Variants in BNC2 observed in about 807,000 individuals in gnomAD.
BNC2 encodes the protein zinc finger protein basonuclin-2.
A neutral mutation model predicts 76.3 loss-of-function variants in BNC2; 20 were observed. That is an observed-to-expected ratio of 0.26 (90% CI 0.18 to 0.38). BNC2 has a LOEUF of 0.38. BNC2 is among the 10% of genes least tolerant of loss of function. The pLI is 1.00. For synonymous variants in BNC2, 582 were observed against 514.8 expected (o/e 1.13, Z -1.77); for missense variants, 1,382 against 1,399.8 (o/e 0.99, Z 0.20).
At chr9:16,457,513 AGAG>A (rs1821479419) in intron 5 of BNC2, among the ~76,000 whole-genome samples, 1 of 152,290 alleles carries the variant, frequency 6.6e-6, no homozygotes, top group African/African-American at 2.4e-5. Flanking sequence ...TGGTGCTCCC[AGAG>A]GAGTCACATA....
chr9:16,689,488 C>G (rs922781113), intron 3 of BNC2, among the ~76,000 whole-genome samples: 1 of 152,084 alleles, frequency 6.6e-6, no homozygotes, highest in Non-Finnish European at 1.5e-5. Context: ...AAGTCACAGC[C>G]TAAATAAACA....
At chr9:16,519,353 A>C (rs1035733833) in intron 5 of BNC2, among the ~76,000 whole-genome samples, 2 of 152,238 alleles carry the variant, frequency 1.3e-5, no homozygotes, top group African/African-American at 2.4e-5. Flanking sequence ...GAAAATTCTA[A>C]CGTAAAGTCC....
intron 5 of BNC2, among the ~76,000 whole-genome samples, chr9:16,452,363 G>A (rs1185535811): frequency 6.6e-6 from 1 of 152,042 alleles, no homozygotes; most frequent in Non-Finnish European, 1.5e-5. Flanking sequence ...CTTATGGAGT[G>A]AATAAATGAA....
chr9:16,853,338 C>G (rs1423164047), intron 1 of BNC2, among the ~76,000 whole-genome samples: 4 of 147,974 alleles, frequency 2.7e-5, no homozygotes, highest in African/African-American at 1.0e-4. Context: ...CCAGGGAGGT[C>G]GAGGCTGCAG....
At chr9:16,763,619 A>G (rs1324737412) in intron 1 of BNC2, among the ~76,000 whole-genome samples, 1 of 152,186 alleles carries the variant, frequency 6.6e-6, no homozygotes, top group African/African-American at 2.4e-5. Context: ...GTGATTTTAT[A>G]TGAAGTTAGG....
At chr9:16,556,875 T>A (rs1818851001) in intron 4 of BNC2, among the ~76,000 whole-genome samples, 1 of 152,194 alleles carries the variant, frequency 6.6e-6, no homozygotes, top group African/African-American at 2.4e-5. Context: ...TTCTGCTTTA[T>A]AATTACTAGA....
intron 5 of BNC2, among the ~76,000 whole-genome samples, chr9:16,512,277 A>G (rs1169528514): frequency 2.6e-5 from 4 of 152,200 alleles, no homozygotes; most frequent in Non-Finnish European, 4.4e-5. Context: ...AAATCATGCT[A>G]TTTCAACATG....
intron 3 of BNC2, among the ~76,000 whole-genome samples, chr9:16,589,721 G>C (rs898390556): frequency 6.6e-6 from 1 of 151,742 alleles, no homozygotes; most frequent in African/African-American, 2.4e-5. Flanking sequence ...TGTTGGTCAG[G>C]CTGGTCTCAA....
At chr9:16,785,878 C>T (rs990019738) in intron 1 of BNC2, among the ~76,000 whole-genome samples, 4 of 151,586 alleles carry the variant, frequency 2.6e-5, no homozygotes, top group Non-Finnish European at 5.9e-5. Flanking sequence ...AATGTGAACA[C>T]ATTGCTGGGG....
chr9:16,541,238 T>G (rs988553548), intron 5 of BNC2, among the ~76,000 whole-genome samples: 2 of 152,144 alleles, frequency 1.3e-5, no homozygotes, highest in Non-Finnish European at 2.9e-5. Flanking sequence ...ACAGAGGCAC[T>G]CATATTTTAA....
chr9:16,618,568 C>T (rs549953535), intron 3 of BNC2, among the ~76,000 whole-genome samples: 3 of 152,172 alleles, frequency 2.0e-5, no homozygotes, highest in African/African-American at 7.2e-5. Context: ...TAGGACTTCA[C>T]ATTACAGTAC....
rs374121211 is a variant in BNC2 at position 16,698,694 on chromosome 9, CA to C, written c.330+29102del. Among the ~76,000 whole-genome samples, 77 of 143,874 alleles carry C rather than the reference CA, an allele frequency of 5.4e-4. No homozygotes were observed. In the South Asian group the frequency reaches 9.2e-3, roughly 17 times the overall value. The allele number at this position is 143,874 out of a possible 152,430, so 94.4% of individuals were successfully genotyped here. A position where few individuals can be genotyped will look rare whatever the true frequency, so the allele number is the denominator to read the frequency against. ...GGGCAACAAGAGCAAAACTCCATCT[CA>C]AAAAAAAAAGCCATGATGAATACCT... On this transcript the variant is annotated intron_variant, in intron 3 of 6. Coordinates refer to ENST00000380672, the MANE Select transcript of BNC2 (RefSeq NM_017637.6).
In BNC2 at chr9:16,552,744, T is replaced by C. The variant is rs764934748; in HGVS notation, c.455A>G (p.Gln152Arg). Residue 152 changes from glutamine to arginine, a missense_variant, in exon 5 of 7, where the codon CAG becomes CGG. By Grantham distance (43) the Gln-to-Arg change is conservative (BLOSUM62 1). Coordinates refer to ENST00000380672, the MANE Select transcript of BNC2 (RefSeq NM_017637.6). The part of the protein sequence containing the change: ...VAHALDKLST[Q>R]HLYHPTQVEI... ...CACTTGGGTGGGGTGGTACAGGTGC[T>C]GCGTGCTGAGCTTATCCAAGGCTGT... 6.2e-7 allele frequency: 1 copy of C among 1,614,144 alleles called. No homozygotes were observed.
intron 5 of BNC2, among the ~76,000 whole-genome samples, chr9:16,478,541 CTTTT>C (rs1239073901): frequency 6.6e-6 from 1 of 152,294 alleles, no homozygotes; most frequent in African/African-American, 2.4e-5. Flanking sequence ...AAAATACTGC[CTTTT>C]TTTAGATGTA....
In BNC2 at chr9:16,435,560, T is replaced by G; in HGVS notation, c.2634A>C (p.Arg878=). The G allele has an allele frequency of 1.2e-6, 2 of 1,613,868 alleles. No homozygotes were observed. The part of the protein sequence containing the change: ...CNAAFPSRRS[R]DRHSANINLH... Reference sequence around the variant, plus strand: ...GCCAATGGAGATTTACTGACCTGTCTCGGCTTCGGCGAGAGGGGAATGCAG... The same window carrying G: ...GCCAATGGAGATTTACTGACCTGTCGCGGCTTCGGCGAGAGGGGAATGCAG... Residue 878 remains arginine, a synonymous_variant, in exon 6 of 7, where the codon CGA becomes CGC. Transcript: ENST00000380672.
At chr9:16,862,023 T>G (rs1819423269) in intron 1 of BNC2, among the ~76,000 whole-genome samples, 3 of 150,356 alleles carry the variant, frequency 2.0e-5, no homozygotes. Flanking sequence ...ATAACAAGTG[T>G]TGAGGAGGGT....
chr9:16,505,573 T>A (rs1822607014), intron 5 of BNC2, among the ~76,000 whole-genome samples: 1 of 152,116 alleles, frequency 6.6e-6, no homozygotes, highest in Admixed American at 6.5e-5. Flanking sequence ...CAGCCAGGAT[T>A]TAAAGAGAGA....
intron 5 of BNC2, among the ~76,000 whole-genome samples, chr9:16,457,165 C>G (rs1821469400): frequency 6.6e-6 from 1 of 152,134 alleles, no homozygotes; most frequent in Non-Finnish European, 1.5e-5. Context: ...TATTCACTGA[C>G]TAAACTCAAT....
intron 3 of BNC2, among the ~76,000 whole-genome samples, chr9:16,640,623 T>C (rs904846455): frequency 6.6e-6 from 1 of 152,208 alleles, no homozygotes. Flanking sequence ...TTCAAGTTTA[T>C]GCAAGAAACT....
Sources: gnomAD v4.1 joint callset for allele counts (sites outside exome capture counted in the v4.1 genomes callset) on GRCh38, gnomAD v4.1.1 for gene constraint, MANE v1.5 for transcripts, NCBI Gene and HGNC (gene_info 2026-07-23, HGNC 2026-07-21) for gene names.